ESRRG: variants seen among roughly 807,000 people sequenced by gnomAD.
ESRRG encodes the protein estrogen-related receptor gamma.
Under a neutral mutation model 44.0 loss-of-function variants are expected in ESRRG, and 13 were observed. The observed-to-expected ratio is 0.30, with a 90% CI of 0.19 to 0.47. The LOEUF (loss-of-function observed/expected upper bound fraction) is 0.47. Among genes scored for constraint, ESRRG ranks in the 20% least tolerant of loss-of-function variants. ESRRG has a pLI of 1.00. For missense variants in ESRRG, 395 were observed against 580.6 expected, an observed-to-expected ratio of 0.68 and a Z score of 3.29; for synonymous variants, 215 against 214.6, an observed-to-expected ratio of 1.00 and a Z score of -0.02.
intron 2 of ESRRG, among the ~76,000 whole-genome samples, chr1:216,872,222 G>A (rs2096268793): frequency 6.7e-6 from 1 of 149,982 alleles, no homozygotes; most frequent in African/African-American, 2.5e-5. Flanking sequence ...TCTTGTTCAA[G>A]ATTTTTTTTG....
chr1:217,022,835 G>A (rs2080563870), intron 1 of ESRRG, among the ~76,000 whole-genome samples: 1 of 152,140 alleles, frequency 6.6e-6, no homozygotes, highest in East Asian at 1.9e-4. Flanking sequence ...AGGAAAGGAG[G>A]GAAGAAAGTA....
At chr1:217,098,789 C>A (rs891339181) in intron 1 of ESRRG, among the ~76,000 whole-genome samples, 2 of 152,084 alleles carry the variant, frequency 1.3e-5, no homozygotes, top group African/African-American at 2.4e-5. Context: ...ACAGTGAAAC[C>A]ACTTTTAACT....
intron 1 of ESRRG, among the ~76,000 whole-genome samples, chr1:217,019,075 G>A (rs938960384): frequency 6.6e-6 from 1 of 152,118 alleles, no homozygotes; most frequent in African/African-American, 2.4e-5. Context: ...CTTTAAAGTT[G>A]GAGAAAAGTT....
At chr1:216,926,245 T>C (rs1269778339) in intron 2 of ESRRG, among the ~76,000 whole-genome samples, 1 of 152,080 alleles carries the variant, frequency 6.6e-6, no homozygotes, top group African/African-American at 2.4e-5. Context: ...TCAGATGAAT[T>C]TGGCCAGGTG....
At chr1:216,523,736 C>T (rs1486901674) in intron 5 of ESRRG, among the ~76,000 whole-genome samples, 2 of 151,544 alleles carry the variant, frequency 1.3e-5, no homozygotes, top group Admixed American at 6.6e-5. Context: ...CGGCTGCTTT[C>T]TTGAAATAGA....
chr1:216,891,790 C>T (rs1402661060), intron 2 of ESRRG, among the ~76,000 whole-genome samples: 2 of 146,364 alleles, frequency 1.4e-5, no homozygotes, highest in Admixed American at 6.8e-5. Context: ...TAGTGTGGTG[C>T]CCGCTTTTTT....
intron 3 of ESRRG, among the ~76,000 whole-genome samples, chr1:216,598,414 T>C (rs1430972129): frequency 6.6e-6 from 1 of 152,188 alleles, no homozygotes; most frequent in Non-Finnish European, 1.5e-5. Flanking sequence ...AACTTCTCTA[T>C]ATAGAATATT....
intron 1 of ESRRG, among the ~76,000 whole-genome samples, chr1:216,696,508 A>C (rs2080190795): frequency 6.6e-6 from 1 of 152,342 alleles, no homozygotes; most frequent in Admixed American, 6.5e-5. Context: ...CAAAAAAGGT[A>C]ACTTAGTCCT....
intron 3 of ESRRG, among the ~76,000 whole-genome samples, chr1:216,643,827 T>C (rs1229687053): frequency 3.3e-5 from 5 of 152,154 alleles, no homozygotes; most frequent in African/African-American, 1.2e-4. Flanking sequence ...CAAAACCCCT[T>C]GTTAGACTCA....
Position 216,575,912 on chromosome 1 carries a change from G to C in ESRRG, c.590-7814C>G, listed in dbSNP as rs532719200. Among the ~76,000 whole-genome samples the C allele has an allele frequency of 2.6e-3, 390 of 152,158 alleles. 4 individuals carry two copies. The South Asian group carries it at 0.031, about 12-fold the overall frequency. ...GAACACTGTTACTCAAAAGGGCTAG[G>C]CGATTTTGCCTCTATCACTTTATAA... On this transcript the variant is annotated intron_variant, in intron 3 of 6. Transcript: ENST00000408911.
chr1:217,044,597 G>A (rs944573045), intron 1 of ESRRG, among the ~76,000 whole-genome samples: 1 of 152,090 alleles, frequency 6.6e-6, no homozygotes, highest in Admixed American at 6.6e-5. Flanking sequence ...AAGGGCAATT[G>A]CAGCTCCAGA....
At chr1:216,523,311 A>T (rs1450803563) in intron 5 of ESRRG, among the ~76,000 whole-genome samples, 1 of 152,134 alleles carries the variant, frequency 6.6e-6, no homozygotes. Context: ...AGTGTGCTCC[A>T]AATAAACCAG....
intron 2 of ESRRG, among the ~76,000 whole-genome samples, chr1:216,655,845 C>T (rs899308031): frequency 1.3e-5 from 2 of 152,176 alleles, no homozygotes; most frequent in African/African-American, 4.8e-5. Context: ...TGATCACCCA[C>T]CCAACAAAGT....
chr1:216,645,078 G>C (rs1329279557), intron 3 of ESRRG, among the ~76,000 whole-genome samples: 1 of 152,072 alleles, frequency 6.6e-6, no homozygotes, highest in Non-Finnish European at 1.5e-5. Flanking sequence ...AAAAGCAAAA[G>C]TTTTTCACAC....
intron 3 of ESRRG, among the ~76,000 whole-genome samples, chr1:216,600,841 C>T (rs896164067): frequency 7.9e-5 from 12 of 152,200 alleles, no homozygotes; most frequent in African/African-American, 2.9e-4. Context: ...AATGATCAGC[C>T]TCACAGCGGG....
At chr1:216,785,507 G>A (rs1317459096) in intron 2 of ESRRG, among the ~76,000 whole-genome samples, 1 of 151,948 alleles carries the variant, frequency 6.6e-6, no homozygotes, top group African/African-American at 2.4e-5. Flanking sequence ...CCCTACCTCT[G>A]AGCAGTAGGA....
chr1:217,095,048 G>A (rs2092402822), intron 1 of ESRRG, among the ~76,000 whole-genome samples: 1 of 144,390 alleles, frequency 6.9e-6, no homozygotes, highest in South Asian at 2.2e-4. Context: ...GTGTGTATGT[G>A]TGTGTATTGT....
rs190587170 is a variant in ESRRG at position 216,767,189 on chromosome 1, C to G, written c.-13-89698G>C. 1.2e-3 allele frequency among the ~76,000 whole-genome samples: 189 copies of G among 152,150 alleles called. 1 individual carries two copies. The highest frequency in any genetic ancestry group is 4.3e-3 in the African/African-American group (179 of 41,534). On this transcript the variant is annotated intron_variant, in intron 2 of 7. Transcript: ENST00000359162. ...GACTCAGCAAACTATCCGTAGTTAA[C>G]AAGGTTTTCCTTTCTTTCCTAGTTA...
At chr1:216,641,922 T>A (rs1225888150) in intron 3 of ESRRG, among the ~76,000 whole-genome samples, 1 of 152,200 alleles carries the variant, frequency 6.6e-6, no homozygotes, top group Non-Finnish European at 1.5e-5. Context: ...ACATAGTTCA[T>A]TCTATTTCTG....
Sources: gnomAD v4.1 joint callset for allele counts (sites outside exome capture counted in the v4.1 genomes callset) on GRCh38, gnomAD v4.1.1 for gene constraint, MANE v1.5 for transcripts, NCBI Gene and HGNC (gene_info 2026-07-23, HGNC 2026-07-21) for gene names.